The following ITPR3 variants were observed in gnomAD, a reference collection of about 807,000 sequenced individuals.
ITPR3 encodes the protein inositol 1,4,5-trisphosphate-gated calcium channel ITPR3.
In ITPR3, 173 loss-of-function variants were observed where a neutral mutation model predicts 293.2. The ratio of observed to expected loss-of-function variants is 0.59; its 90% CI spans 0.52 to 0.67. The LOEUF is 0.67. Among genes scored for constraint, ITPR3 ranks in the 30% least tolerant of loss-of-function variants. The pLI, the probability that ITPR3 is intolerant of heterozygous loss-of-function variation, is 0.00. For missense variants in ITPR3, 2,796 were observed against 3,592.1 expected (o/e 0.78, Z 5.66); for synonymous variants, 1,295 against 1,444.4 (o/e 0.90, Z 2.35).
chr6:33,676,073 A>G (rs1764899319), intron 25 of ITPR3, among the ~76,000 whole-genome samples: 1 of 152,214 alleles, frequency 6.6e-6, no homozygotes, highest in African/African-American at 2.4e-5. Flanking sequence ...ACAGCTTGCA[A>G]ACTATTATAT....
At chr6:33,643,285 C>G (rs1481089577) in intron 2 of ITPR3, among the ~76,000 whole-genome samples, 1 of 152,174 alleles carries the variant, frequency 6.6e-6, no homozygotes. Context: ...TGCCCGGCTC[C>G]CTGCCAGCTC....
chr6:33,645,615 G>T (rs920848719), intron 2 of ITPR3, among the ~76,000 whole-genome samples: 10 of 152,180 alleles, frequency 6.6e-5, no homozygotes, highest in Non-Finnish European at 1.5e-4. Flanking sequence ...TGAGAGGAAT[G>T]CGCCTCCATG....
chr6:33,657,349 A>G (rs1440089496), intron 3 of ITPR3, among the ~76,000 whole-genome samples: 1 of 152,212 alleles, frequency 6.6e-6, no homozygotes, highest in Non-Finnish European at 1.5e-5. Flanking sequence ...GATGCAAACC[A>G]AATCCTCAAG....
chr6:33,687,366 GGCCACCATACCCCGCCCCAGCT>G lies in ITPR3; in HGVS notation c.6177+44_6177+65del. 5 of 1,521,910 alleles carry G rather than the reference GGCCACCATACCCCGCCCCAGCT, an allele frequency of 3.3e-6. No individual in the cohort carries two copies. The highest frequency in any genetic ancestry group is 4.5e-6 in the Non-Finnish European group (5 of 1,107,094). The allele number at this position is 1,521,910 out of a possible 1,614,324, so 94.3% of individuals were successfully genotyped here. The stretch of plus-strand genomic sequence containing the variant: ...CCGTGGCAACGGCCATCACCCCCCT[GGCCACCATACCCCGCCCCAGCT>G]GCCATCATCCCCCAGTCGCCATTGT... On this transcript the variant is annotated intron_variant, in intron 45 of 57. Transcript: ENST00000605930. This position sits in a 1 kb window ranked among gnomAD's most constrained non-coding sequence, Gnocchi z 5.3.
chr6:33,691,801 A>G lies in ITPR3; in HGVS notation c.7331A>G (p.Glu2444Gly). ...SGLSVPEVLE[E>G]DRELDSTERA... ...GCCTCAGCACACTCTCCGCTTGCAG[A>G]GGACAGGGAGCTGGACAGCACAGAG... Residue 2444 changes from glutamate (E) to glycine (G), a missense_variant and splice_region_variant, in exon 54 of 58, where the codon GAG (glutamate) becomes GGG (glycine). Physicochemically the swap from Glu to Gly is moderately conservative, Grantham distance 98. Transcript: ENST00000605930. This position sits in a 1 kb window ranked among gnomAD's most constrained non-coding sequence, Gnocchi z 4.9. The G allele has an allele frequency of 6.2e-7, 1 of 1,614,028 alleles. No individual in the cohort carries two copies. Among genetic ancestry groups the G allele is most frequent in the South Asian group, 1.1e-5 (1 of 91,066 alleles).
At chr6:33,651,600 A>G (rs1764193469) in intron 2 of ITPR3, among the ~76,000 whole-genome samples, 1 of 152,200 alleles carries the variant, frequency 6.6e-6, no homozygotes, top group South Asian at 2.1e-4. Context: ...AGCTGTCAAA[A>G]TAAAAGTCCA....
At chr6:33,693,239 G>C (rs1765442991) in intron 55 of ITPR3, among the ~76,000 whole-genome samples, 1 of 152,206 alleles carries the variant, frequency 6.6e-6, no homozygotes, top group Admixed American at 6.5e-5. Flanking sequence ...GGTGTCACCT[G>C]TATGGCCTGT....
rs887215974 is a variant in ITPR3, at chr6:33,690,343, A to T, written c.7032+145A>T. ...GGAGCAGTGAAATTACAGAGTCTTC[A>T]TCTGCCTGACCCAAGCCTGGCCCTC... On this transcript the variant is annotated intron_variant, in intron 51 of 57. Transcript: ENST00000605930. 6.0e-5 allele frequency: 51 copies of T among 851,800 alleles called. No homozygotes were observed. In the African/African-American group the frequency reaches 7.3e-4, roughly 12 times the overall value. 52.8% of individuals were successfully genotyped at this position (851,800 alleles called of 1,614,324 possible).
At position 33,678,503 on chromosome 6, in the gene ITPR3, C is replaced by T. The variant is rs1764971069; in HGVS notation, c.3731C>T (p.Ala1244Val). 2 of 1,613,344 alleles carry T rather than the reference C, an allele frequency of 1.2e-6. No individual in the cohort carries two copies. The highest frequency in any genetic ancestry group is 1.3e-5 in the African/African-American group (1 of 74,908). Residue 1244 changes from alanine to valine, a missense_variant, in exon 29 of 58, where the codon GCC becomes GTC. Ala to Val is a moderately conservative substitution (Grantham distance 64). Around this residue, in one of 8 missense-constraint regions of ITPR3, gnomAD observed 344 missense variants for 460.3 expected, o/e 0.75. Transcript: ENST00000605930. ...TGTGCAGGGAACCCCGGCAACCAGGCCCTGCTGCACAAACACCTGCACCTC... is the reference window on the plus strand; with the variant it reads ...TGTGCAGGGAACCCCGGCAACCAGGTCCTGCTGCACAAACACCTGCACCTC... ...KFCAGNPGNQ[A>V]LLHKHLHLFL... is the part of the protein sequence containing the mutation.
In ITPR3 at chr6:33,693,563, T is replaced by C; in HGVS notation, c.7643T>C (p.Phe2548Ser). Residue 2548 changes from phenylalanine (F) to serine (S), a missense_variant, in exon 56 of 58, where the codon TTT becomes TCT. Coordinates refer to ENST00000605930, the MANE Select transcript of ITPR3 (RefSeq NM_002224.4). ...CFICGLERDKFDNKTVSFEEH... is the reference protein window; with the variant it reads ...CFICGLERDKSDNKTVSFEEH... The stretch of plus-strand genomic sequence containing the variant: ...CCCTCAGGTCTGGAGAGGGACAAGT[T>C]TGATAACAAGACAGTGTCATTTGAG... 1 of 1,614,082 alleles carries C rather than the reference T, an allele frequency of 6.2e-7. No individual in the cohort carries two copies. Among genetic ancestry groups the C allele is most frequent in the Non-Finnish European group, 8.5e-7 (1 of 1,179,990 alleles).
In ITPR3 at chr6:33,672,190, G is replaced by A; in HGVS notation, c.2890G>A (p.Val964Met). The A allele has an allele frequency of 6.2e-7, 1 of 1,613,716 alleles. No individual in the cohort carries two copies. ...SKFEENEDIVVMETKLKILEI... is the reference protein window; with the variant it reads ...SKFEENEDIVMMETKLKILEI... ...GTTTGAGGAGAATGAGGACATTGTG[G>A]TGATGGAGACCAAGCTGAAGATCCT... is the stretch of plus-strand genomic sequence containing the variant. Residue 964 changes from valine to methionine, a missense_variant, in exon 22 of 58, where the codon GTG (valine) becomes ATG (methionine). Around this residue, in one of 8 missense-constraint regions of ITPR3, gnomAD observed 955 missense variants for 1,180.8 expected, o/e 0.81. Transcript: ENST00000605930. This position sits in a 1 kb window ranked among gnomAD's most constrained non-coding sequence, Gnocchi z 5.0.
intron 3 of ITPR3, 106 bp from the exon 4 acceptor site, chr6:33,657,826 T>G: frequency 2.4e-6 from 2 of 817,756 alleles, no homozygotes; most frequent in African/African-American, 1.7e-5. Flanking sequence ...TGTGTGTGTG[T>G]GTGTGTGTTT....
At chr6:33,693,803 C>G (rs1582172385) in intron 56 of ITPR3, 98 bp downstream of exon 56, 1 of 1,401,452 alleles carries the variant, frequency 7.1e-7, no homozygotes, top group East Asian at 2.5e-5. Context: ...TTCTGAGTAC[C>G]CTGGGCCCTG....
chr6:33,681,721 T>C (rs1327452712), intron 33 of ITPR3, among the ~76,000 whole-genome samples: 1 of 152,178 alleles, frequency 6.6e-6, no homozygotes, highest in Non-Finnish European at 1.5e-5. Context: ...GGAAAAATGC[T>C]GAGTCCTGCC....
At position 33,667,360 on chromosome 6, in the gene ITPR3, A is replaced by C. The variant is rs1384144790; in HGVS notation, c.1713+70A>C. The stretch of plus-strand genomic sequence containing the variant: ...TCCTCAGCAAGCGATTTCCTCAGGC[A>C]CATGTGCTGTGCCAGGCACTGTTTT... On this transcript the variant is annotated intron_variant, in intron 15 of 57. Coordinates refer to ENST00000605930, the MANE Select transcript of ITPR3 (RefSeq NM_002224.4). The surrounding 1 kb of genome is among the most constrained non-coding windows in gnomAD (Gnocchi z 4.4). 6.5e-7 allele frequency: 1 copy of C among 1,533,410 alleles called. No individual in the cohort carries two copies. Among genetic ancestry groups the C allele is most frequent in the Non-Finnish European group, 8.8e-7 (1 of 1,138,260 alleles). The allele number at this position is 1,533,410 out of a possible 1,614,324, so 95.0% of individuals were successfully genotyped here.
At chr6:33,668,109 C>G in intron 16 of ITPR3, 145 bp downstream of exon 16, 1 of 894,510 alleles carries the variant, frequency 1.1e-6, no homozygotes, top group Non-Finnish European at 1.7e-6. Context: ...CACTGGGAGG[C>G]CCTAGCCTCC....
chr6:33,679,821 G>A lies in ITPR3; in HGVS notation c.3973-61G>A. 2.6e-6 allele frequency: 4 copies of A among 1,558,256 alleles called. No individual in the cohort carries two copies. Among genetic ancestry groups the A allele is most frequent in the Non-Finnish European group, 3.5e-6 (4 of 1,148,466 alleles). ...CAGTTTCTCCCTGGTAAGCAACGGA[G>A]AGGAGAGCCCAGGGCTTGCTGGACC... On this transcript the variant is annotated intron_variant, in intron 30 of 57. Coordinates refer to ENST00000605930, the MANE Select transcript of ITPR3 (RefSeq NM_002224.4). This position sits in a 1 kb window ranked among gnomAD's most constrained non-coding sequence, Gnocchi z 4.2.
chr6:33,631,312 C>G (rs568140244), intron 1 of ITPR3, among the ~76,000 whole-genome samples: 2 of 152,192 alleles, frequency 1.3e-5, no homozygotes, highest in Non-Finnish European at 2.9e-5. Flanking sequence ...TGGCCCTGAA[C>G]GGCTGGGGTC....
chr6:33,654,591 G>A lies in ITPR3; in HGVS notation c.161-1175G>A, dbSNP rs373137566. Reference sequence around the variant, plus strand: ...CAGCTTTGACCAGAGAAAAGACACAGCTTTCTTAGAGGGAACAGGAAAGGA... The same window carrying A: ...CAGCTTTGACCAGAGAAAAGACACAACTTTCTTAGAGGGAACAGGAAAGGA... On this transcript the variant is annotated intron_variant, in intron 2 of 57. Coordinates refer to ENST00000605930, the MANE Select transcript of ITPR3 (RefSeq NM_002224.4). The surrounding 1 kb of genome is among the most constrained non-coding windows in gnomAD (Gnocchi z 4.1). Among the ~76,000 whole-genome samples, 1 of 152,168 alleles carries A rather than the reference G, an allele frequency of 6.6e-6. No individual in the cohort carries two copies. Among genetic ancestry groups the A allele is most frequent in the Non-Finnish European group, 1.5e-5 (1 of 68,036 alleles).
Sources: gnomAD v4.1 joint callset for allele counts (sites outside exome capture counted in the v4.1 genomes callset) on GRCh38, gnomAD v4.1.1 for gene constraint, gnomAD v4.1.1 regional missense constraint, Gnocchi (gnomAD v3.1) non-coding constraint, MANE v1.5 for transcripts, NCBI Gene and HGNC (gene_info 2026-07-23, HGNC 2026-07-21) for gene names.